PIP5K1A: variants seen among roughly 807,000 people sequenced by gnomAD.
PIP5K1A encodes phosphatidylinositol 4-phosphate 5-kinase type-1 alpha.
PIP5K1A carries 46 observed loss-of-function variants against 72.9 expected under a neutral mutation model. The observed-to-expected ratio is 0.63, with a 90% CI of 0.50 to 0.81. The LOEUF is 0.81. Ranked by LOEUF, PIP5K1A falls within the 30% of genes least tolerant of loss-of-function variation. The probability of loss-of-function intolerance (pLI) is 0.00; values close to 1 mark genes in which losing one functional copy is unlikely to be tolerated. For synonymous variants in PIP5K1A, 228 were observed against 255.1 expected (o/e 0.89, Z 1.01); for missense variants, 458 against 706.1 (o/e 0.65, Z 3.98).
chr1:151,240,099 G>T, intron 12 of PIP5K1A, 60 bp downstream of exon 12: 1 of 1,224,162 alleles, frequency 8.2e-7, no homozygotes, highest in Non-Finnish European at 1.2e-6. Context: ...TACCCCAAGA[G>T]AACAGAGGGC....
At chr1:151,195,626 C>G (rs1448960923), upstream of PIP5K1A, among the ~76,000 whole-genome samples, 3 of 151,802 alleles carry the variant, frequency 2.0e-5, no homozygotes, top group South Asian at 6.2e-4. Flanking sequence ...TGGTGCATGC[C>G]TGTAGTCCCA....
Position 151,242,478 on chromosome 1 carries a change from A to G in PIP5K1A, c.1551A>G (p.Pro517=), listed in dbSNP as rs746028692. ...LGRPDVLPQT[P]PLEEISEGSP... ...GTCCTGATGTTTTACCTCAGACTCC[A>G]CCTTTGGAGGAAATCAGTGAGGGCT... The change falls in exon 14 of 16, where the codon CCA becomes CCG. Residue 517 remains proline (P), a synonymous_variant. Coordinates refer to ENST00000368888, the MANE Select transcript of PIP5K1A (RefSeq NM_001135638.2). The G allele has an allele frequency of 9.9e-6, 16 of 1,613,742 alleles. 1 individual carries two copies. The African/African-American group carries it at 2.1e-4, about 22-fold the overall frequency.
intron 1 of PIP5K1A, among the ~76,000 whole-genome samples, chr1:151,212,155 C>G (rs1241154388): frequency 6.6e-6 from 1 of 151,822 alleles, no homozygotes; most frequent in African/African-American, 2.4e-5. Flanking sequence ...TTCAAGTTAT[C>G]TCTTAAACAT....
chr1:151,208,202 A>T (rs1045799195), intron 1 of PIP5K1A, among the ~76,000 whole-genome samples: 1 of 151,986 alleles, frequency 6.6e-6, no homozygotes, highest in Non-Finnish European at 1.5e-5. Flanking sequence ...CTATTAGCTG[A>T]GGTGACCCCA....
intron 15 of PIP5K1A, 107 bp from the exon 16 acceptor site, chr1:151,247,756 C>A: frequency 2.2e-6 from 2 of 898,150 alleles, no homozygotes; most frequent in Non-Finnish European, 3.5e-6. Context: ...ATTTTTGGTA[C>A]CTCATACTTG....
Position 151,234,187 on chromosome 1 carries a change from G to A in PIP5K1A, c.640-10G>A, listed in dbSNP as rs771785664. 3 of 1,576,150 alleles carry A rather than the reference G, an allele frequency of 1.9e-6. No individual in the cohort carries two copies. The South Asian group carries it at 3.5e-5, about 18-fold the overall frequency. On this transcript the variant is annotated splice_polypyrimidine_tract_variant and intron_variant, in intron 7 of 15. Transcript: ENST00000368888. The stretch of plus-strand genomic sequence containing the variant: ...TGTTCTCCTACTTCTGTTTCCTTTT[G>A]TGTTCTCAGAACCTCAACCAGAACC...
intron 14 of PIP5K1A, among the ~76,000 whole-genome samples, chr1:151,245,101 T>C (rs587692108): frequency 7.2e-5 from 11 of 152,318 alleles, no homozygotes; most frequent in African/African-American, 1.9e-4. Context: ...TCAAAACTTA[T>C]CAAGTTCTGG....
chr1:151,243,577 A>C (rs1571017860), intron 14 of PIP5K1A, among the ~76,000 whole-genome samples: 1 of 152,236 alleles, frequency 6.6e-6, no homozygotes, highest in African/African-American at 2.4e-5. Flanking sequence ...GCCTCAAAGC[A>C]GAAGAATAAT....
intron 1 of PIP5K1A, among the ~76,000 whole-genome samples, chr1:151,219,573 A>T (rs1002620383): frequency 4.0e-5 from 6 of 151,834 alleles, no homozygotes; most frequent in Admixed American, 6.6e-5. Flanking sequence ...GCGTGCCTGT[A>T]ATCCCAGCTA....
intron 14 of PIP5K1A, 129 bp downstream of exon 14, chr1:151,242,696 C>A: frequency 2.4e-6 from 2 of 835,676 alleles, no homozygotes; most frequent in African/African-American, 1.7e-5. Context: ...AAACATATAT[C>A]ATACTTTCTG....
At chr1:151,246,840 T>C in intron 14 of PIP5K1A, 80 bp from the exon 15 acceptor site, 2 of 988,360 alleles carry the variant, frequency 2.0e-6, no homozygotes, top group East Asian at 2.4e-5. Context: ...AGAGAAGCAG[T>C]ATGAGATTTA....
chr1:151,227,448 T>C, intron 4 of PIP5K1A, 48 bp downstream of exon 4: 1 of 1,246,910 alleles, frequency 8.0e-7, no homozygotes, highest in Non-Finnish European at 1.2e-6. Flanking sequence ...GCTCAGCAGC[T>C]TACTCTGGGA....
chr1:151,223,306 C>T (rs868111036), intron 1 of PIP5K1A, among the ~76,000 whole-genome samples: 40 of 142,916 alleles, frequency 2.8e-4, no homozygotes, highest in African/African-American at 1.0e-3. Flanking sequence ...GCCAAGATGG[C>T]GCTGTTGCAC....
At chr1:151,227,459 A>G (rs1234711054) in intron 4 of PIP5K1A, 59 bp downstream of exon 4, 9 of 1,106,336 alleles carry the variant, frequency 8.1e-6, no homozygotes, top group Non-Finnish European at 1.1e-5. Context: ...TACTCTGGGA[A>G]CTCAGTCTCC....
intron 1 of PIP5K1A, among the ~76,000 whole-genome samples, chr1:151,218,934 A>G (rs587625356): frequency 6.5e-4 from 99 of 151,604 alleles, no homozygotes; most frequent in African/African-American, 2.2e-3. Context: ...GTCACTGCCT[A>G]TGCTTTGATT....
intron 14 of PIP5K1A, among the ~76,000 whole-genome samples, chr1:151,243,814 A>G (rs1692102117): frequency 6.6e-6 from 1 of 152,086 alleles, no homozygotes; most frequent in African/African-American, 2.4e-5. Context: ...GCCTCCTGTG[A>G]TTCTCCTTGG....
intron 2 of PIP5K1A, 29 bp from the exon 3 acceptor site, chr1:151,224,342 T>C (rs962827832): frequency 1.9e-6 from 3 of 1,609,610 alleles, no homozygotes; most frequent in Admixed American, 1.7e-5. Flanking sequence ...GGAACCTGTT[T>C]ATGACATTTT....
chr1:151,241,482 C>T (rs932881097), intron 12 of PIP5K1A, among the ~76,000 whole-genome samples: 4 of 151,720 alleles, frequency 2.6e-5, no homozygotes, highest in South Asian at 2.1e-4. Flanking sequence ...CCAGCCTGGG[C>T]GACAGAGCAA....
At chr1:151,245,168 T>G (rs1166057004) in intron 14 of PIP5K1A, among the ~76,000 whole-genome samples, 2 of 152,218 alleles carry the variant, frequency 1.3e-5, no homozygotes, top group African/African-American at 4.8e-5. Flanking sequence ...TATTTTATTA[T>G]AAGCATCAAG....
Sources: gnomAD v4.1 joint callset for allele counts (sites outside exome capture counted in the v4.1 genomes callset) on GRCh38, gnomAD v4.1.1 for gene constraint, MANE v1.5 for transcripts, NCBI Gene and HGNC (gene_info 2026-07-23, HGNC 2026-07-21) for gene names.